PTPRE: variants seen among roughly 807,000 people sequenced by gnomAD.
PTPRE encodes protein tyrosine phosphatase receptor type E.
Under a neutral mutation model 102.0 loss-of-function variants are expected in PTPRE, and 51 were observed. The ratio of observed to expected loss-of-function variants is 0.50; its 90% confidence interval spans 0.40 to 0.63. PTPRE has a LOEUF of 0.63. PTPRE is among the 30% of genes least tolerant of loss of function. The pLI is 0.00. For missense variants in PTPRE, 752 were observed against 915.1 expected, an observed-to-expected ratio of 0.82 and a Z score of 2.30; for synonymous variants, 345 against 348.2, an observed-to-expected ratio of 0.99 and a Z score of 0.10.
intron 3 of PTPRE, among the ~76,000 whole-genome samples, chr10:128,042,544 A>G (rs954283802): frequency 6.6e-6 from 1 of 152,196 alleles, no homozygotes; most frequent in Non-Finnish European, 1.5e-5. Flanking sequence ...CTGCTGGTCC[A>G]CGAGCAAGAG....
chr10:127,925,960 A>G (rs1007762724), intron 1 of PTPRE, among the ~76,000 whole-genome samples: 4 of 152,090 alleles, frequency 2.6e-5, no homozygotes, highest in African/African-American at 7.2e-5. Context: ...GTATTAACAT[A>G]CTCCTGAAAA....
chr10:128,000,838 T>G (rs1201354863), intron 2 of PTPRE, among the ~76,000 whole-genome samples: 1 of 152,176 alleles, frequency 6.6e-6, no homozygotes, highest in Non-Finnish European at 1.5e-5. Flanking sequence ...CAAGCCTCAC[T>G]CACTTGGGCA....
intron 1 of PTPRE, among the ~76,000 whole-genome samples, chr10:127,948,662 T>G (rs947967295): frequency 6.6e-6 from 1 of 152,238 alleles, no homozygotes; most frequent in African/African-American, 2.4e-5. Flanking sequence ...TTAAGGTTCT[T>G]CCCAGGCTTT....
At chr10:127,957,240 A>T (rs1182792358) in intron 1 of PTPRE, among the ~76,000 whole-genome samples, 1 of 152,060 alleles carries the variant, frequency 6.6e-6, no homozygotes, top group East Asian at 1.9e-4. Context: ...TTTTGAGTTA[A>T]TTTTTTGTGA....
intron 2 of PTPRE, among the ~76,000 whole-genome samples, chr10:128,017,270 G>T (rs988414366): frequency 1.3e-5 from 2 of 152,096 alleles, no homozygotes; most frequent in Non-Finnish European, 2.9e-5. Context: ...GGGCAAGTGG[G>T]GCGGGCATTA....
At chr10:128,021,340 G>C (rs1449239722) in intron 2 of PTPRE, among the ~76,000 whole-genome samples, 4 of 152,202 alleles carry the variant, frequency 2.6e-5, no homozygotes, top group Non-Finnish European at 5.9e-5. Context: ...CCTCCTGGGG[G>C]CAGGGGTGTG....
intron 1 of PTPRE, among the ~76,000 whole-genome samples, chr10:127,924,255 T>C (rs1023829625): frequency 1.3e-5 from 2 of 152,146 alleles, no homozygotes; most frequent in South Asian, 4.2e-4. Context: ...AAACAGAGTC[T>C]CCCTCTGTCA....
At chr10:128,063,520 G>A (rs190787845) in intron 10 of PTPRE, among the ~76,000 whole-genome samples, 2 of 152,340 alleles carry the variant, frequency 1.3e-5, no homozygotes, top group East Asian at 3.9e-4. Flanking sequence ...TCATGCGGCA[G>A]AGCTCAGGCT....
At chr10:128,032,215 C>G (rs1846818181) in intron 2 of PTPRE, among the ~76,000 whole-genome samples, 1 of 152,054 alleles carries the variant, frequency 6.6e-6, no homozygotes, top group African/African-American at 2.4e-5. Flanking sequence ...GGGGTTATAC[C>G]ATATTGGCCA....
chr10:127,940,589 G>A (rs1037883053), intron 1 of PTPRE, among the ~76,000 whole-genome samples: 11 of 152,282 alleles, frequency 7.2e-5, no homozygotes, highest in Admixed American at 3.3e-4. Context: ...CTCTGCTGCT[G>A]GGCAGGCTTG....
chr10:128,024,535 A>G (rs571291520), intron 2 of PTPRE, among the ~76,000 whole-genome samples: 1 of 152,380 alleles, frequency 6.6e-6, no homozygotes, highest in South Asian at 2.1e-4. Flanking sequence ...CACTATGCGT[A>G]ATTGGAATTA....
At chr10:128,075,155 T>C (rs1443383665) in intron 17 of PTPRE, among the ~76,000 whole-genome samples, 2 of 152,212 alleles carry the variant, frequency 1.3e-5, no homozygotes, top group Admixed American at 1.3e-4. Context: ...GGTTCATTCG[T>C]CATCATTATT....
rs949939352 is a variant in PTPRE at position 127,951,465 on chromosome 10, G to A, written c.-30-30809G>A. ...CTCTGAACTGACATTGATTCCAGGA[G>A]ACCTGAAATGTCACCATGGCCCCCC... is the stretch of plus-strand genomic sequence containing the variant. On this transcript the variant is annotated intron_variant, in intron 1 of 20. Transcript: ENST00000254667. Among the ~76,000 whole-genome samples, 3 of 152,340 alleles carry A rather than the reference G, an allele frequency of 2.0e-5. No individual in the cohort carries two copies. In the East Asian group the frequency reaches 5.8e-4, roughly 29 times the overall value.
chr10:127,908,210 GCT>G (rs1361366110), intron 1 of PTPRE, among the ~76,000 whole-genome samples: 5 of 152,172 alleles, frequency 3.3e-5, no homozygotes, highest in African/African-American at 1.2e-4. Context: ...AAAGAATACA[GCT>G]CTCTGCTTGT....
At chr10:128,027,686 A>G (rs1262105348) in intron 2 of PTPRE, among the ~76,000 whole-genome samples, 1 of 152,172 alleles carries the variant, frequency 6.6e-6, no homozygotes, top group Non-Finnish European at 1.5e-5. Flanking sequence ...CCACACCAGC[A>G]TTCGTGTTAT....
chr10:128,062,709 C>A (rs1015849387), intron 9 of PTPRE, among the ~76,000 whole-genome samples: 1 of 152,206 alleles, frequency 6.6e-6, no homozygotes, highest in Non-Finnish European at 1.5e-5. Context: ...AAGATTTTGA[C>A]AAAGAGGAGG....
In PTPRE at chr10:128,084,993, GT is replaced by G. The variant is rs1194078053; in HGVS notation, c.*2094del. ...GCCCTCAGGAAAGGGCCCTGCTCAT[GT>G]TTTTTTCCTGTCCCCTTAGACCAAC... is the stretch of plus-strand genomic sequence containing the variant. On this transcript the variant is annotated 3_prime_UTR_variant, in exon 21 of 21. Transcript: ENST00000254667. The G allele has an allele frequency of 2.8e-5, 11 of 397,676 alleles. No homozygotes were observed. Among genetic ancestry groups the G allele is most frequent in the Admixed American group, 6.2e-5 (2 of 32,368 alleles). 24.6% of individuals were successfully genotyped at this position (397,676 alleles called of 1,614,324 possible).
intron 2 of PTPRE, among the ~76,000 whole-genome samples, chr10:128,000,661 A>ATTCT (rs1853782406): frequency 6.6e-6 from 1 of 152,364 alleles, no homozygotes; most frequent in East Asian, 1.9e-4. Flanking sequence ...TATGATGAGA[A>ATTCT]CAGACTTCCT....
chr10:128,014,068 G>T (rs1348098848), intron 2 of PTPRE, among the ~76,000 whole-genome samples: 1 of 152,122 alleles, frequency 6.6e-6, no homozygotes, highest in African/African-American at 2.4e-5. Context: ...CTGGGTCGTG[G>T]TCATCTCTGT....
Sources: gnomAD v4.1 joint callset for allele counts (sites outside exome capture counted in the v4.1 genomes callset) on GRCh38, gnomAD v4.1.1 for gene constraint, MANE v1.5 for transcripts, NCBI Gene and HGNC (gene_info 2026-07-23, HGNC 2026-07-21) for gene names.